PCSK5: variants seen among roughly 807,000 people sequenced by gnomAD.
PCSK5 encodes proprotein convertase subtilisin/kexin type 5.
Under a neutral mutation model 233.2 loss-of-function variants are expected in PCSK5, and 129 were observed. That is an observed-to-expected ratio of 0.55 (90% CI 0.48 to 0.64). The LOEUF (loss-of-function observed/expected upper bound fraction) is 0.64. Ranked by LOEUF, PCSK5 falls within the 30% of genes least tolerant of loss-of-function variation. The pLI is 0.00. For missense variants in PCSK5, 2,076 were observed against 2,430.1 expected, an observed-to-expected ratio of 0.85 and a Z score of 3.06; for synonymous variants, 825 against 879.2, an observed-to-expected ratio of 0.94 and a Z score of 1.09.
At chr9:76,320,722 C>T (rs1352905975) in intron 30 of PCSK5, among the ~76,000 whole-genome samples, 3 of 151,854 alleles carry the variant, frequency 2.0e-5, no homozygotes, top group Non-Finnish European at 4.4e-5. Flanking sequence ...GATCCACCCA[C>T]CTCAGCCTCC....
At chr9:76,065,594 A>G (rs1013457914) in intron 5 of PCSK5, among the ~76,000 whole-genome samples, 1 of 152,130 alleles carries the variant, frequency 6.6e-6, no homozygotes, top group Non-Finnish European at 1.5e-5. Context: ...TTCTCTCGTT[A>G]TGTGAGTTAT....
At chr9:75,988,736 G>A (rs1826634071) in intron 3 of PCSK5, among the ~76,000 whole-genome samples, 1 of 151,964 alleles carries the variant, frequency 6.6e-6, no homozygotes, top group Non-Finnish European at 1.5e-5. Context: ...TTCTAATGCA[G>A]CTGGAACAAA....
At chr9:76,069,729 T>C (rs1400094812) in intron 6 of PCSK5, among the ~76,000 whole-genome samples, 1 of 152,196 alleles carries the variant, frequency 6.6e-6, no homozygotes. Context: ...TACTCTCCTG[T>C]TGGCATTTAG....
chr9:75,931,810 G>C (rs183396446), intron 1 of PCSK5, among the ~76,000 whole-genome samples: 2 of 152,270 alleles, frequency 1.3e-5, no homozygotes, highest in Admixed American at 6.5e-5. Context: ...TCTTGTTTTA[G>C]ATATTGCGAT....
chr9:76,207,072 A>G (rs1825146896), intron 20 of PCSK5, among the ~76,000 whole-genome samples: 1 of 152,092 alleles, frequency 6.6e-6, no homozygotes, highest in Non-Finnish European at 1.5e-5. Context: ...CTCACTCTAC[A>G]GTGAGAGAGA....
Position 76,181,535 on chromosome 9 carries a change from A to T in PCSK5, c.2141A>T (p.Asn714Ile), listed in dbSNP as rs775208770. 1 of 1,614,046 alleles carries T rather than the reference A, an allele frequency of 6.2e-7. No homozygotes were observed. The highest frequency in any genetic ancestry group is 1.1e-5 in the South Asian group (1 of 91,064). The part of the protein sequence containing the change: ...CMSCKYGYFL[N>I]EETNSCVTHC... ...TCCTGCAAATATGGATACTTTCTGAATGAAGAAACCAACAGCTGTGTTACT... is the reference window on the plus strand; with the variant it reads ...TCCTGCAAATATGGATACTTTCTGATTGAAGAAACCAACAGCTGTGTTACT... The change falls in exon 16 of 38, where the codon AAT becomes ATT. Residue 714 changes from asparagine to isoleucine, a missense_variant. Transcript: ENST00000674117.
chr9:75,928,999 G>A (rs1056875843), intron 1 of PCSK5, among the ~76,000 whole-genome samples: 4 of 151,950 alleles, frequency 2.6e-5, no homozygotes, highest in African/African-American at 4.8e-5. Flanking sequence ...GCAGTGGCAC[G>A]ATCTCGGCCC....
Position 76,332,617 on chromosome 9 carries a change from G to A in PCSK5, c.4748+7G>A. 1 of 1,556,010 alleles carries A rather than the reference G, an allele frequency of 6.4e-7. No homozygotes were observed. The highest frequency in any genetic ancestry group is 8.7e-7 in the Non-Finnish European group (1 of 1,147,960). On this transcript the variant is annotated splice_region_variant and intron_variant, in intron 34 of 37. Transcript: ENST00000674117. ...TGCTCCAGTGCAGGGAAGGGTAAGT[G>A]CTCAATACATTTTCCCCCATGTAAT...
chr9:76,247,212 G>A (rs1826638856), intron 24 of PCSK5, among the ~76,000 whole-genome samples: 1 of 152,220 alleles, frequency 6.6e-6, no homozygotes, highest in Admixed American at 6.5e-5. Flanking sequence ...GTCAGCGGCA[G>A]GTCTGTGACA....
At chr9:76,102,102 C>T (rs1035772682) in intron 8 of PCSK5, among the ~76,000 whole-genome samples, 9 of 152,194 alleles carry the variant, frequency 5.9e-5, no homozygotes, top group Non-Finnish European at 1.3e-4. Context: ...AACCTCTATA[C>T]GGACTTGCTG....
At chr9:75,920,596 G>A (rs1050948376) in intron 1 of PCSK5, among the ~76,000 whole-genome samples, 3 of 151,960 alleles carry the variant, frequency 2.0e-5, no homozygotes, top group African/African-American at 4.8e-5. Context: ...CCTGAGCTCA[G>A]GAGTTCGAGA....
intron 5 of PCSK5, among the ~76,000 whole-genome samples, chr9:76,027,339 G>A (rs1043439188): frequency 6.6e-6 from 1 of 152,066 alleles, no homozygotes. Context: ...AGGGACAGGG[G>A]TGGTGAAGGG....
At chr9:76,279,866 C>T (rs1034441197) in intron 24 of PCSK5, among the ~76,000 whole-genome samples, 29 of 151,480 alleles carry the variant, frequency 1.9e-4, no homozygotes, top group Non-Finnish European at 3.4e-4. Flanking sequence ...TGTAGGTTGC[C>T]TGTTCACTCT....
rs923708685 is a variant in PCSK5 at position 76,227,333 on chromosome 9, A to T, written c.2627-170A>T. Among the ~76,000 whole-genome samples, 2 of 152,182 alleles carry T rather than the reference A, an allele frequency of 1.3e-5. 1 individual carries two copies. The highest frequency in any genetic ancestry group is 2.9e-5 in the Non-Finnish European group (2 of 68,034). The stretch of plus-strand genomic sequence containing the variant: ...AGCCCCCGGGAGAGGAGCAGTTGTT[A>T]TGATAAGGTCAGGATTTGGGACTAG... On this transcript the variant is annotated intron_variant, in intron 20 of 37. Coordinates refer to ENST00000674117, the MANE Select transcript of PCSK5 (RefSeq NM_001372043.1).
At position 76,078,840 on chromosome 9, in the gene PCSK5, T is replaced by C. The variant is rs1455604806; in HGVS notation, c.894+6942T>C. Among the ~76,000 whole-genome samples, 4 of 152,138 alleles carry C rather than the reference T, an allele frequency of 2.6e-5. No homozygotes were observed. In the East Asian group the frequency reaches 7.7e-4, roughly 29 times the overall value. On this transcript the variant is annotated intron_variant, in intron 7 of 37. Transcript: ENST00000674117. ...TGGTTCCATGTGAATTTTAGAATAGTTTTTACTAGTTCTGTGAAAAATGAC... is the reference window on the plus strand; with the variant it reads ...TGGTTCCATGTGAATTTTAGAATAGCTTTTACTAGTTCTGTGAAAAATGAC...
At chr9:76,186,001 C>T (rs574639844) in intron 17 of PCSK5, among the ~76,000 whole-genome samples, 7 of 151,948 alleles carry the variant, frequency 4.6e-5, no homozygotes, top group South Asian at 2.1e-4. Flanking sequence ...CAGTGCATGC[C>T]GGTAGAAACA....
At chr9:76,300,033 A>G (rs1231323427) in intron 27 of PCSK5, among the ~76,000 whole-genome samples, 9 of 152,234 alleles carry the variant, frequency 5.9e-5, no homozygotes, top group Non-Finnish European at 1.2e-4. Flanking sequence ...TCTACAGAAC[A>G]CAGACATGGT....
chr9:76,217,083 A>T (rs1825561781), intron 20 of PCSK5, among the ~76,000 whole-genome samples: 1 of 152,126 alleles, frequency 6.6e-6, no homozygotes, highest in Admixed American at 6.5e-5. Flanking sequence ...TCAGCCTCCC[A>T]AAGTGCTGGG....
At chr9:75,985,448 G>C (rs1826468394) in intron 2 of PCSK5, among the ~76,000 whole-genome samples, 1 of 151,962 alleles carries the variant, frequency 6.6e-6, no homozygotes, top group Admixed American at 6.6e-5. Context: ...CTAGGGATTT[G>C]GTTTTTCTAA....
Sources: gnomAD v4.1 joint callset for allele counts (sites outside exome capture counted in the v4.1 genomes callset) on GRCh38, gnomAD v4.1.1 for gene constraint, MANE v1.5 for transcripts, NCBI Gene and HGNC (gene_info 2026-07-23, HGNC 2026-07-21) for gene names.